ADAMTS14: variants seen among roughly 807,000 people sequenced by gnomAD.
ADAMTS14 encodes the protein ADAM metallopeptidase with thrombospondin type 1 motif 14, also known as A disintegrin and metalloproteinase with thrombospondin motifs 14.
Under a neutral mutation model 128.6 loss-of-function variants are expected in ADAMTS14, and 100 were observed. The ratio of observed to expected loss-of-function variants is 0.78; its 90% confidence interval spans 0.66 to 0.92. The LOEUF is 0.92. Among genes scored for constraint, ADAMTS14 ranks in the 40% least tolerant of loss-of-function variants. ADAMTS14 has a pLI of 0.00. For missense variants in ADAMTS14, 1,562 were observed against 1,658.6 expected (o/e 0.94, Z 1.01); for synonymous variants, 665 against 653.8 (o/e 1.02, Z -0.26).
chr10:70,744,140 C>A lies in ADAMTS14; in HGVS notation c.2133C>A (p.Ser711=). 6.4e-7 allele frequency: 1 copy of A among 1,558,366 alleles called. No individual in the cohort carries two copies. The highest frequency in any genetic ancestry group is 8.7e-7 in the Non-Finnish European group (1 of 1,150,890). ...GTGGAGTCTGCGGGGGTGACAACTC[C>A]CACTGCAGGACTGTGAAGGGGACGC... ...DKCGVCGGDN[S]HCRTVKGTLG... is the part of the protein sequence containing the mutation. The change falls in exon 14 of 22, where the codon TCC becomes TCA. Residue 711 remains serine, a synonymous_variant. Transcript: ENST00000373207.
intron 4 of ADAMTS14, among the ~76,000 whole-genome samples, chr10:70,723,871 T>A (rs975663594): frequency 6.6e-6 from 1 of 152,234 alleles, no homozygotes; most frequent in Non-Finnish European, 1.5e-5. Flanking sequence ...GGACAGCAGC[T>A]GAGTGTAGTG....
chr10:70,698,378 C>A (rs939433020), intron 2 of ADAMTS14, among the ~76,000 whole-genome samples: 9 of 152,290 alleles, frequency 5.9e-5, no homozygotes, highest in African/African-American at 1.9e-4. Flanking sequence ...GTGCTCACTG[C>A]CAGCCAGTCT....
At chr10:70,691,501 A>AG in intron 2 of ADAMTS14, among the ~76,000 whole-genome samples, 1 of 121,236 alleles carries the variant, frequency 8.2e-6, no homozygotes, top group East Asian at 2.1e-4. Flanking sequence ...AAAAAAAAAA[A>AG]AAAAAAAACA....
chr10:70,677,193 C>G (rs1411931065), intron 2 of ADAMTS14, among the ~76,000 whole-genome samples: 1 of 152,176 alleles, frequency 6.6e-6, no homozygotes, highest in African/African-American at 2.4e-5. Flanking sequence ...GATCACATGG[C>G]TACGTGGTGT....
intron 3 of ADAMTS14, among the ~76,000 whole-genome samples, chr10:70,706,089 C>G (rs1564529516): frequency 1.3e-5 from 2 of 152,140 alleles, no homozygotes; most frequent in African/African-American, 4.8e-5. Flanking sequence ...CTGCTCTGCC[C>G]TGAGGGTTGT....
chr10:70,707,881 C>T (rs562962269), intron 3 of ADAMTS14, among the ~76,000 whole-genome samples: 2 of 152,154 alleles, frequency 1.3e-5, no homozygotes, highest in Non-Finnish European at 2.9e-5. Context: ...GTCTCATCTG[C>T]GACTGATTTT....
At position 70,751,618 on chromosome 10, in the gene ADAMTS14, G is replaced by C; in HGVS notation, c.2568G>C (p.Trp856Cys). The change falls in exon 17 of 22, where the codon TGG (tryptophan) becomes TGC (cysteine). Residue 856 changes from tryptophan (W) to cysteine (C), a missense_variant. Coordinates refer to ENST00000373207, the MANE Select transcript of ADAMTS14 (RefSeq NM_080722.4). Reference protein sequence around the residue: ...MDTYEWALKSWAPCSKACGGG... With the variant: ...MDTYEWALKSCAPCSKACGGG... ...CCTATGAGTGGGCGCTCAAGAGCTG[G>C]GCCCCCTGCAGCAAGGCCTGTGGAG... is the stretch of plus-strand genomic sequence containing the variant. 4 of 1,611,634 alleles carry C rather than the reference G, an allele frequency of 2.5e-6. No individual in the cohort carries two copies. The highest frequency in any genetic ancestry group is 3.4e-6 in the Non-Finnish European group (4 of 1,177,976).
intron 6 of ADAMTS14, among the ~76,000 whole-genome samples, chr10:70,730,538 C>G (rs1841603967): frequency 6.6e-6 from 1 of 152,208 alleles, no homozygotes; most frequent in Non-Finnish European, 1.5e-5. Flanking sequence ...CTGGAAGACC[C>G]TCCATGGGCT....
At position 70,739,682 on chromosome 10, in the gene ADAMTS14, C is replaced by T. The variant is rs115260865; in HGVS notation, c.1748+692C>T. Among the ~76,000 whole-genome samples the T allele has an allele frequency of 5.3e-3, 804 of 152,266 alleles. 11 individuals carry two copies. The highest frequency in any genetic ancestry group is 0.018 in the African/African-American group (762 of 41,552). On this transcript the variant is annotated intron_variant, in intron 11 of 21. Transcript: ENST00000373207. ...CAGGAGTTCTGAACCCCCACAACAA[C>T]AGGGCCTGGCCTGACCCCTCACAGC...
At chr10:70,675,454 C>A (rs1839616804) in intron 2 of ADAMTS14, among the ~76,000 whole-genome samples, 1 of 152,198 alleles carries the variant, frequency 6.6e-6, no homozygotes, top group Admixed American at 6.5e-5. Flanking sequence ...AATGATATGG[C>A]CTGCCTAACT....
chr10:70,731,861 G>A (rs1421936189), intron 6 of ADAMTS14, among the ~76,000 whole-genome samples: 1 of 152,190 alleles, frequency 6.6e-6, no homozygotes, highest in Admixed American at 6.5e-5. Flanking sequence ...TCGGATCTGA[G>A]TCTCCTGTTT....
At chr10:70,696,241 T>A (rs1405044480) in intron 2 of ADAMTS14, among the ~76,000 whole-genome samples, 1 of 151,766 alleles carries the variant, frequency 6.6e-6, no homozygotes, top group Non-Finnish European at 1.5e-5. Flanking sequence ...AGAGAGGTGA[T>A]CCTGAGCACG....
At chr10:70,731,401 TAAAA>T (rs931020006) in intron 6 of ADAMTS14, among the ~76,000 whole-genome samples, 5 of 152,138 alleles carry the variant, frequency 3.3e-5, no homozygotes, top group African/African-American at 1.2e-4. Flanking sequence ...CCATGTCAAA[TAAAA>T]GAACATTTCA....
chr10:70,709,117 G>A (rs182681898), intron 4 of ADAMTS14, among the ~76,000 whole-genome samples: 2 of 152,324 alleles, frequency 1.3e-5, no homozygotes, highest in Admixed American at 6.5e-5. Flanking sequence ...AGGGTCAGGC[G>A]TGGCCTGGAG....
intron 10 of ADAMTS14, among the ~76,000 whole-genome samples, chr10:70,737,678 G>A (rs913173136): frequency 6.6e-6 from 1 of 152,190 alleles, no homozygotes; most frequent in Admixed American, 6.5e-5. Context: ...GCAGGTCCTT[G>A]ATGGGTTATA....
At chr10:70,686,274 C>CTTTTTTT (rs5785998) in intron 2 of ADAMTS14, among the ~76,000 whole-genome samples, 1 of 125,320 alleles carries the variant, frequency 8.0e-6, no homozygotes, top group Non-Finnish European at 1.7e-5. Context: ...TCAGCCTTTG[C>CTTTTTTT]TTTTTTTTTT....
intron 10 of ADAMTS14, among the ~76,000 whole-genome samples, chr10:70,737,075 C>G (rs913141501): frequency 3.3e-5 from 5 of 152,122 alleles, no homozygotes; most frequent in Non-Finnish European, 7.4e-5. Context: ...AGGCTTACTT[C>G]CATTTTACCA....
chr10:70,684,119 C>T (rs776839616), intron 2 of ADAMTS14, among the ~76,000 whole-genome samples: 6 of 151,624 alleles, frequency 4.0e-5, no homozygotes, highest in Admixed American at 6.6e-5. Flanking sequence ...TGAGGTATCT[C>T]GCATGGCGGG....
At chr10:70,738,613 A>C (rs922236392) in intron 10 of ADAMTS14, among the ~76,000 whole-genome samples, 47 of 152,176 alleles carry the variant, frequency 3.1e-4, no homozygotes, top group African/African-American at 1.0e-3. Context: ...GGCCTTGTAT[A>C]CTGGGTATGA....
Sources: allele counts gnomAD v4.1 joint callset (sites outside exome capture counted in the v4.1 genomes callset), GRCh38; gene constraint gnomAD v4.1.1; transcripts MANE v1.5; gene names NCBI Gene and HGNC (gene_info 2026-07-23, HGNC 2026-07-21).